Variants in TMEM131L observed in about 807,000 individuals in gnomAD.
TMEM131L encodes the protein transmembrane protein 131-like.
Under a neutral mutation model 192.2 loss-of-function variants are expected in TMEM131L, and 54 were observed. The observed-to-expected ratio is 0.28, with a 90% CI of 0.23 to 0.35. The LOEUF is 0.35. TMEM131L is among the 10% of genes least tolerant of loss of function. The pLI is 1.00. For missense variants in TMEM131L, 1,888 were observed against 1,972.9 expected, an observed-to-expected ratio of 0.96 and a Z score of 0.82; for synonymous variants, 701 against 704.9, an observed-to-expected ratio of 0.99 and a Z score of 0.09.
chr4:153,483,709 A>G (rs571198242), intron 3 of TMEM131L, among the ~76,000 whole-genome samples: 7 of 152,184 alleles, frequency 4.6e-5, no homozygotes, highest in Non-Finnish European at 1.0e-4. Context: ...AAAAAAGGCT[A>G]TGAGAAGCTT....
chr4:153,558,478 A>G (rs1728632774), intron 7 of TMEM131L, 110 bp downstream of exon 7: 1 of 524,296 alleles, frequency 1.9e-6, no homozygotes, highest in Non-Finnish European at 3.5e-6. Context: ...TATAGAAGTA[A>G]TATACATATA....
intron 3 of TMEM131L, among the ~76,000 whole-genome samples, chr4:153,542,252 G>C (rs141947466): frequency 2.2e-3 from 342 of 152,308 alleles, no homozygotes; most frequent in African/African-American, 7.9e-3. Flanking sequence ...AAAGGGAGAA[G>C]GAGCAGCCAC....
chr4:153,632,841 AC>A lies in TMEM131L; in HGVS notation c.4328+4del. 6.2e-7 allele frequency: 1 copy of A among 1,614,044 alleles called. No individual in the cohort carries two copies. The stretch of plus-strand genomic sequence containing the variant: ...GAGTCGGCCCCGGTTCATAATAGGT[AC>A]AGCTTCACTTCTCTGATTGGTGCCT... On this transcript the variant is annotated splice_donor_region_variant and intron_variant, in intron 32 of 34. Coordinates refer to ENST00000409959, the MANE Select transcript of TMEM131L (RefSeq NM_001131007.2).
intron 5 of TMEM131L, 118 bp from the exon 6 acceptor site, chr4:153,556,848 T>TAAACC (rs10639508): frequency 3.2e-6 from 2 of 619,680 alleles, no homozygotes; most frequent in Admixed American, 6.3e-5. Flanking sequence ...ATAATACTGA[T>TAAACC]AAGGGTGCAC....
chr4:153,581,491 G>A lies in TMEM131L; in HGVS notation c.823G>A (p.Glu275Lys). The A allele has an allele frequency of 1.2e-6, 2 of 1,602,024 alleles. No homozygotes were observed. The highest frequency in any genetic ancestry group is 1.7e-6 in the Non-Finnish European group (2 of 1,172,940). Residue 275 changes from glutamate (E) to lysine (K), a missense_variant, in exon 9 of 35, where the codon GAA (glutamate) becomes AAA (lysine). Physicochemically the swap from Glu to Lys is moderately conservative, Grantham distance 56. Coordinates refer to ENST00000409959, the MANE Select transcript of TMEM131L (RefSeq NM_001131007.2). ...GGAAAACTTTTCAAAAGAATTTGAA[G>A]AAAACACACAACATTTGTTAGATCA... ...TMENFSKEFE[E>K]NTQHLLDHLS...
intron 3 of TMEM131L, among the ~76,000 whole-genome samples, chr4:153,499,004 T>C (rs939112275): frequency 1.3e-5 from 2 of 152,228 alleles, no homozygotes; most frequent in Non-Finnish European, 2.9e-5. Context: ...TGCCCCTTAG[T>C]ATTAACGTTT....
chr4:153,616,901 C>G (rs1733011507), intron 26 of TMEM131L, among the ~76,000 whole-genome samples: 1 of 152,150 alleles, frequency 6.6e-6, no homozygotes, highest in East Asian at 1.9e-4. Flanking sequence ...AAGATTGTTT[C>G]CAACTTTTTA....
At chr4:153,529,817 T>C (rs1451053533) in intron 3 of TMEM131L, among the ~76,000 whole-genome samples, 2 of 152,232 alleles carry the variant, frequency 1.3e-5, no homozygotes. Flanking sequence ...CTTATGCCCA[T>C]GTTTTGAAGT....
intron 26 of TMEM131L, among the ~76,000 whole-genome samples, chr4:153,616,938 A>G (rs1441080854): frequency 6.6e-6 from 1 of 152,188 alleles, no homozygotes; most frequent in Non-Finnish European, 1.5e-5. Flanking sequence ...TGTGATGAAC[A>G]ATTTTGTTCC....
chr4:153,595,028 A>G (rs1349490932), intron 19 of TMEM131L, among the ~76,000 whole-genome samples: 3 of 152,228 alleles, frequency 2.0e-5, no homozygotes, highest in Non-Finnish European at 4.4e-5. Flanking sequence ...CTCATTTGGA[A>G]GAAGTTTTTA....
intron 26 of TMEM131L, among the ~76,000 whole-genome samples, chr4:153,619,596 C>G (rs1197788472): frequency 2.6e-5 from 4 of 152,342 alleles, no homozygotes; most frequent in Middle Eastern, 3.4e-3. Context: ...CATTTTGCTT[C>G]TAGTTTTTAT....
intron 7 of TMEM131L, among the ~76,000 whole-genome samples, chr4:153,577,847 AGGTGGCCAGGTTGG>A (rs980168670): frequency 6.6e-6 from 1 of 152,220 alleles, no homozygotes; most frequent in Admixed American, 6.5e-5. Context: ...CACACAGCAA[AGGTGGCCAGGTTGG>A]GGTGTGTGAA....
chr4:153,561,291 T>G (rs917375913), intron 7 of TMEM131L, among the ~76,000 whole-genome samples: 2 of 152,266 alleles, frequency 1.3e-5, no homozygotes, highest in African/African-American at 4.8e-5. Context: ...CTTTATCAGG[T>G]ACATGGTTTG....
chr4:153,536,317 G>T (rs983593864), intron 3 of TMEM131L, among the ~76,000 whole-genome samples: 6 of 152,232 alleles, frequency 3.9e-5, no homozygotes, highest in Admixed American at 6.5e-5. Flanking sequence ...ACACTTCAGT[G>T]CCTCAAGGGT....
At chr4:153,597,987 A>T (rs1164601302) in intron 20 of TMEM131L, among the ~76,000 whole-genome samples, 1 of 152,116 alleles carries the variant, frequency 6.6e-6, no homozygotes, top group East Asian at 1.9e-4. Context: ...TTTGTCCTGG[A>T]ATTTCAACTA....
intron 3 of TMEM131L, among the ~76,000 whole-genome samples, chr4:153,510,855 C>G (rs1561144453): frequency 6.6e-6 from 1 of 151,624 alleles, no homozygotes. Flanking sequence ...CCAGTGTACT[C>G]CAGCCTGGAC....
intron 26 of TMEM131L, among the ~76,000 whole-genome samples, chr4:153,614,599 G>A (rs1292205427): frequency 1.3e-5 from 2 of 152,102 alleles, no homozygotes; most frequent in East Asian, 3.8e-4. Flanking sequence ...GGTAATAATT[G>A]GATGTTGTTC....
chr4:153,558,510 C>G (rs1165498567), intron 7 of TMEM131L, 142 bp downstream of exon 7: 2 of 477,566 alleles, frequency 4.2e-6, no homozygotes, highest in Non-Finnish European at 7.7e-6. Flanking sequence ...TGGATTCCAC[C>G]TAACTTCTTT....
intron 7 of TMEM131L, among the ~76,000 whole-genome samples, chr4:153,559,968 C>T (rs1281267497): frequency 6.6e-6 from 1 of 152,050 alleles, no homozygotes; most frequent in Admixed American, 6.5e-5. Flanking sequence ...TGCCGTTTTC[C>T]CTCCTGCCAC....
Sources: allele counts gnomAD v4.1 joint callset (sites outside exome capture counted in the v4.1 genomes callset), GRCh38; gene constraint gnomAD v4.1.1; transcripts MANE v1.5; gene names NCBI Gene and HGNC (gene_info 2026-07-23, HGNC 2026-07-21).